Variants in CAMK1D observed in about 807,000 individuals in gnomAD.
The protein encoded by CAMK1D is calcium/calmodulin-dependent protein kinase type 1D.
In CAMK1D, 9 loss-of-function variants were observed where a neutral mutation model predicts 47.7. The ratio of observed to expected loss-of-function variants is 0.19; its 90% CI spans 0.11 to 0.33. The LOEUF is 0.33. CAMK1D is among the 10% of genes least tolerant of loss of function. CAMK1D has a pLI of 1.00. For missense variants in CAMK1D, 291 were observed against 488.7 expected, an observed-to-expected ratio of 0.60 and a Z score of 3.81; for synonymous variants, 184 against 184.9, an observed-to-expected ratio of 0.99 and a Z score of 0.04.
chr10:12,642,001 G>A (rs1489904260), intron 2 of CAMK1D, among the ~76,000 whole-genome samples: 7 of 149,246 alleles, frequency 4.7e-5, no homozygotes, highest in African/African-American at 1.5e-4. Flanking sequence ...CCAAGATCAC[G>A]CTACTGCATT....
chr10:12,470,068 TAAAC>T (rs1381761831), intron 1 of CAMK1D, among the ~76,000 whole-genome samples: 1 of 152,240 alleles, frequency 6.6e-6, no homozygotes, highest in Non-Finnish European at 1.5e-5. Context: ...CATTTGTTAA[TAAAC>T]AACCAGATTG....
At chr10:12,690,664 GC>G (rs1832841166) in intron 3 of CAMK1D, among the ~76,000 whole-genome samples, 1 of 152,154 alleles carries the variant, frequency 6.6e-6, no homozygotes, top group Non-Finnish European at 1.5e-5. Context: ...GCTGAAACTG[GC>G]CTAAGGTCTG....
intron 2 of CAMK1D, among the ~76,000 whole-genome samples, chr10:12,596,595 T>G (rs1028501906): frequency 6.6e-6 from 1 of 152,156 alleles, no homozygotes; most frequent in Non-Finnish European, 1.5e-5. Flanking sequence ...GATTTCTAGG[T>G]AGAGTCCATC....
intron 2 of CAMK1D, among the ~76,000 whole-genome samples, chr10:12,613,000 A>T (rs1253219227): frequency 6.6e-6 from 1 of 152,110 alleles, no homozygotes; most frequent in Non-Finnish European, 1.5e-5. Context: ...ACCTGACTAG[A>T]TGGTGTTTGG....
intron 4 of CAMK1D, among the ~76,000 whole-genome samples, chr10:12,768,448 G>A (rs959350904): frequency 2.6e-5 from 4 of 152,164 alleles, no homozygotes; most frequent in East Asian, 3.9e-4. Context: ...GGCTGTCCCC[G>A]CTGGGGCGGG....
At chr10:12,456,024 A>T (rs1232930942) in intron 1 of CAMK1D, among the ~76,000 whole-genome samples, 1 of 152,182 alleles carries the variant, frequency 6.6e-6, no homozygotes, top group Non-Finnish European at 1.5e-5. Context: ...ATGTGAAAGT[A>T]CATTGTTTCC....
intron 1 of CAMK1D, among the ~76,000 whole-genome samples, chr10:12,462,156 GTTTTTT>G (rs57336292): frequency 1.0e-3 from 81 of 79,640 alleles, no homozygotes; most frequent in African/African-American, 3.5e-3. Flanking sequence ...CCTATGAAGA[GTTTTTT>G]TTTTTTTTTT....
intron 3 of CAMK1D, among the ~76,000 whole-genome samples, chr10:12,672,190 C>T (rs976602921): frequency 3.3e-5 from 5 of 151,950 alleles, no homozygotes; most frequent in African/African-American, 1.2e-4. Flanking sequence ...GCTGGGATTA[C>T]AAGCGTGAGC....
chr10:12,550,038 G>A (rs903900535), intron 1 of CAMK1D, among the ~76,000 whole-genome samples: 53 of 152,184 alleles, frequency 3.5e-4, no homozygotes, highest in African/African-American at 1.2e-3. Flanking sequence ...GGATTCTGTA[G>A]AGGAAGGAGC....
intron 1 of CAMK1D, among the ~76,000 whole-genome samples, chr10:12,426,383 ATT>A (rs1840229328): frequency 6.6e-6 from 1 of 152,004 alleles, no homozygotes; most frequent in African/African-American, 2.4e-5. Flanking sequence ...AATAGCTGGG[ATT>A]ACAGGCATGC....
chr10:12,608,351 G>A (rs1838524638), intron 2 of CAMK1D, among the ~76,000 whole-genome samples: 1 of 152,234 alleles, frequency 6.6e-6, no homozygotes, highest in Non-Finnish European at 1.5e-5. Flanking sequence ...CTGGGAGGCG[G>A]AGGTTACAGT....
At chr10:12,802,933 A>G (rs1450544762) in intron 6 of CAMK1D, among the ~76,000 whole-genome samples, 1 of 152,238 alleles carries the variant, frequency 6.6e-6, no homozygotes, top group Non-Finnish European at 1.5e-5. Context: ...GAAAGAGAAC[A>G]TGCAGGTGTG....
chr10:12,360,675 G>T (rs1005457315), intron 1 of CAMK1D, among the ~76,000 whole-genome samples: 1 of 152,072 alleles, frequency 6.6e-6, no homozygotes, highest in Non-Finnish European at 1.5e-5. Flanking sequence ...AAGTAATTTC[G>T]TCCCGGGAGG....
intron 3 of CAMK1D, among the ~76,000 whole-genome samples, chr10:12,755,957 G>A (rs111961084): frequency 6.6e-6 from 1 of 152,186 alleles, no homozygotes; most frequent in African/African-American, 2.4e-5. Context: ...GCATGCCCCT[G>A]TCTCTTCTCC....
chr10:12,776,543 G>C (rs1456500443), intron 5 of CAMK1D, among the ~76,000 whole-genome samples: 3 of 152,216 alleles, frequency 2.0e-5, no homozygotes, highest in Non-Finnish European at 2.9e-5. Context: ...CTGGGTTCCT[G>C]TGAGCCTCTG....
At chr10:12,418,477 A>G (rs1449220790) in intron 1 of CAMK1D, among the ~76,000 whole-genome samples, 1 of 152,154 alleles carries the variant, frequency 6.6e-6, no homozygotes, top group Non-Finnish European at 1.5e-5. Context: ...GCACCGTGGC[A>G]TATGCCTGTA....
intron 1 of CAMK1D, among the ~76,000 whole-genome samples, chr10:12,408,647 G>A (rs577287179): frequency 9.0e-4 from 137 of 152,162 alleles, no homozygotes; most frequent in African/African-American, 3.3e-3. Flanking sequence ...GTTCAGGTGG[G>A]TGTGGCCAGC....
intron 1 of CAMK1D, among the ~76,000 whole-genome samples, chr10:12,486,666 T>A (rs1185112988): frequency 1.3e-5 from 2 of 152,208 alleles, no homozygotes; most frequent in African/African-American, 4.8e-5. Flanking sequence ...CAAGATTTTA[T>A]AAAAAGGCAG....
rs566585314 is a variant in CAMK1D, at chr10:12,588,789, T to TACAC, written c.224+35451_224+35454dup. Among the ~76,000 whole-genome samples the TACAC allele has an allele frequency of 6.2e-5, 9 of 145,448 alleles. No individual in the cohort carries two copies. In the East Asian group the frequency reaches 1.0e-3, roughly 16 times the overall value. ...TTTAAAGTGCATATGTATATATATA[T>TACAC]ACACACACACACACACACACATACA... On this transcript the variant is annotated intron_variant, in intron 2 of 10. Transcript: ENST00000619168.
Sources: allele counts gnomAD v4.1 joint callset (sites outside exome capture counted in the v4.1 genomes callset), GRCh38; gene constraint gnomAD v4.1.1; transcripts MANE v1.5; gene names NCBI Gene and HGNC (gene_info 2026-07-23, HGNC 2026-07-21).